The following SNTG1 variants were observed in gnomAD, a reference collection of about 807,000 sequenced individuals.
The protein encoded by SNTG1 is gamma-1-syntrophin.
A neutral mutation model predicts 74.7 loss-of-function variants in SNTG1; 39 were observed. The observed-to-expected ratio is 0.52, with a 90% CI of 0.40 to 0.68. The LOEUF (loss-of-function observed/expected upper bound fraction) is 0.68. Ranked by LOEUF, SNTG1 falls within the 30% of genes least tolerant of loss-of-function variation. SNTG1 has a pLI of 0.00. For synonymous variants in SNTG1, 254 were observed against 217.1 expected, an observed-to-expected ratio of 1.17 and a Z score of -1.49; for missense variants, 685 against 609.5, an observed-to-expected ratio of 1.12 and a Z score of -1.30.
At chr8:50,742,717 G>A (rs1433393712) in intron 17 of SNTG1, among the ~76,000 whole-genome samples, 2 of 151,426 alleles carry the variant, frequency 1.3e-5, no homozygotes, top group Admixed American at 1.3e-4. Context: ...ATACTAGAAA[G>A]TAATGAAGAA....
chr8:50,630,729 T>C (rs1022176138), intron 13 of SNTG1, among the ~76,000 whole-genome samples: 1 of 152,070 alleles, frequency 6.6e-6, no homozygotes, highest in African/African-American at 2.4e-5. Flanking sequence ...TTGAGAGTTA[T>C]ACCCCAAGAA....
chr8:50,327,942 C>T (rs941330909), intron 2 of SNTG1, among the ~76,000 whole-genome samples: 1 of 152,120 alleles, frequency 6.6e-6, no homozygotes, highest in Non-Finnish European at 1.5e-5. Flanking sequence ...CTTCTAATAA[C>T]AAAATATTCC....
At chr8:49,967,057 T>C (rs1811207394) in intron 1 of SNTG1, among the ~76,000 whole-genome samples, 1 of 152,174 alleles carries the variant, frequency 6.6e-6, no homozygotes, top group Admixed American at 6.5e-5. Context: ...ATGCCAGGAA[T>C]AATAACAATA....
At chr8:50,711,858 G>A (rs533849310) in intron 17 of SNTG1, among the ~76,000 whole-genome samples, 2 of 152,172 alleles carry the variant, frequency 1.3e-5, no homozygotes, top group South Asian at 4.1e-4. Flanking sequence ...CTTGTTCTTT[G>A]TAATTCTCTT....
At chr8:50,458,905 A>G (rs2131669365) in intron 8 of SNTG1, among the ~76,000 whole-genome samples, 1 of 152,222 alleles carries the variant, frequency 6.6e-6, no homozygotes, top group Non-Finnish European at 1.5e-5. Flanking sequence ...TGAAGCTTAA[A>G]GGTTTTGACT....
chr8:50,337,630 T>G (rs1349735667), intron 2 of SNTG1, among the ~76,000 whole-genome samples: 1 of 152,146 alleles, frequency 6.6e-6, no homozygotes, highest in African/African-American at 2.4e-5. Flanking sequence ...CCCTCAAACT[T>G]TCCTGTCTCA....
chr8:49,966,543 C>T (rs1431574897), intron 1 of SNTG1, among the ~76,000 whole-genome samples: 3 of 151,820 alleles, frequency 2.0e-5, no homozygotes, highest in African/African-American at 4.8e-5. Flanking sequence ...TACAGGCACC[C>T]GCTACCACAT....
At chr8:50,010,899 T>C (rs935406434) in intron 1 of SNTG1, among the ~76,000 whole-genome samples, 11 of 151,836 alleles carry the variant, frequency 7.2e-5, no homozygotes, top group Admixed American at 2.6e-4. Context: ...TTATTTTCTC[T>C]ATATTTTACG....
intron 1 of SNTG1, among the ~76,000 whole-genome samples, chr8:50,008,486 G>T (rs318923): frequency 0.81 from 123,521 of 152,130 alleles, 50,318 homozygotes; most frequent in East Asian, 0.95. Flanking sequence ...AGTTTATTAC[G>T]GAGATTTTTT....
chr8:49,920,281 A>G (rs318858), intron 1 of SNTG1, among the ~76,000 whole-genome samples: 88 of 151,984 alleles, frequency 5.8e-4, no homozygotes, highest in African/African-American at 2.1e-3. Flanking sequence ...TATGTGTTAT[A>G]CATGATTGTT....
chr8:50,006,628 G>A (rs1815265302), intron 1 of SNTG1, among the ~76,000 whole-genome samples: 1 of 152,100 alleles, frequency 6.6e-6, no homozygotes, highest in Non-Finnish European at 1.5e-5. Flanking sequence ...GGCTCTATTA[G>A]CTGTCTCACT....
chr8:50,308,064 A>G (rs575255421), intron 2 of SNTG1, among the ~76,000 whole-genome samples: 10 of 151,806 alleles, frequency 6.6e-5, no homozygotes, highest in Admixed American at 6.6e-5. Context: ...CTGGACAGTA[A>G]GTTCACTCAC....
chr8:50,194,307 G>A (rs1291871722), intron 2 of SNTG1, among the ~76,000 whole-genome samples: 1 of 151,968 alleles, frequency 6.6e-6, no homozygotes, highest in African/African-American at 2.4e-5. Flanking sequence ...TCCTGGACAT[G>A]TTTTGTTGGC....
At chr8:50,030,748 T>A (rs547952053) in intron 1 of SNTG1, among the ~76,000 whole-genome samples, 82 of 152,122 alleles carry the variant, frequency 5.4e-4, no homozygotes, top group African/African-American at 1.9e-3. Flanking sequence ...GATTAGTGCA[T>A]AATATTTTTT....
At chr8:50,765,520 A>G (rs1260481215) in intron 18 of SNTG1, among the ~76,000 whole-genome samples, 1 of 151,874 alleles carries the variant, frequency 6.6e-6, no homozygotes, top group Non-Finnish European at 1.5e-5. Flanking sequence ...GGGTGTCCTT[A>G]CATTCATTTT....
At chr8:50,753,029 G>A (rs1454519533) in intron 18 of SNTG1, among the ~76,000 whole-genome samples, 2 of 151,986 alleles carry the variant, frequency 1.3e-5, no homozygotes, top group Non-Finnish European at 1.5e-5. Context: ...TTCCTACAGC[G>A]GGCTCCTTTG....
At chr8:50,134,280 G>A (rs892470364) in intron 1 of SNTG1, among the ~76,000 whole-genome samples, 1 of 152,196 alleles carries the variant, frequency 6.6e-6, no homozygotes, top group African/African-American at 2.4e-5. Context: ...AAGTCACCCA[G>A]GTGAACAAAT....
intron 18 of SNTG1, among the ~76,000 whole-genome samples, chr8:50,782,861 G>A (rs1403827993): frequency 6.6e-6 from 1 of 152,092 alleles, no homozygotes; most frequent in Non-Finnish European, 1.5e-5. Context: ...TTTGATGATG[G>A]TGATGTAAGA....
intron 13 of SNTG1, among the ~76,000 whole-genome samples, chr8:50,608,631 T>C (rs2094829644): frequency 6.6e-6 from 1 of 151,820 alleles, no homozygotes; most frequent in African/African-American, 2.4e-5. Flanking sequence ...TAAACTTGGG[T>C]TATGTGTGTT....
Sources: allele counts gnomAD v4.1 joint callset (sites outside exome capture counted in the v4.1 genomes callset), GRCh38; gene constraint gnomAD v4.1.1; transcripts MANE v1.5; gene names NCBI Gene and HGNC (gene_info 2026-07-23, HGNC 2026-07-21).